GNAL: variants seen among roughly 807,000 people sequenced by gnomAD.
GNAL encodes the protein guanine nucleotide-binding protein G(olf) subunit alpha.
A neutral mutation model predicts 55.1 loss-of-function variants in GNAL; 18 were observed. The ratio of observed to expected loss-of-function variants is 0.33; its 90% CI spans 0.23 to 0.48. GNAL has a LOEUF of 0.48. GNAL is among the 20% of genes least tolerant of loss of function. GNAL has a pLI of 0.99. For synonymous variants in GNAL, 253 were observed against 237.0 expected, an observed-to-expected ratio of 1.07 and a Z score of -0.62; for missense variants, 412 against 614.1, an observed-to-expected ratio of 0.67 and a Z score of 3.48.
intron 4 of GNAL, among the ~76,000 whole-genome samples, chr18:11,796,911 CT>C (rs2034404489): frequency 6.6e-6 from 1 of 152,010 alleles, no homozygotes; most frequent in Admixed American, 6.6e-5. Context: ...ATACATGTAG[CT>C]TTTTACAGCT....
intron 10 of GNAL, among the ~76,000 whole-genome samples, chr18:11,875,615 G>A (rs1200840800): frequency 6.6e-6 from 1 of 152,160 alleles, no homozygotes; most frequent in Non-Finnish European, 1.5e-5. Flanking sequence ...CACGTGAGAT[G>A]TCTCACTCCC....
At chr18:11,836,022 C>G (rs938970688) in intron 5 of GNAL, among the ~76,000 whole-genome samples, 9 of 152,052 alleles carry the variant, frequency 5.9e-5, no homozygotes, top group African/African-American at 2.2e-4. Flanking sequence ...TGCCACACAC[C>G]TGTAGTCCCA....
chr18:11,813,747 A>G (rs1396655379), intron 4 of GNAL, among the ~76,000 whole-genome samples: 1 of 152,190 alleles, frequency 6.6e-6, no homozygotes, highest in East Asian at 1.9e-4. Flanking sequence ...GCGCAGTGGC[A>G]TGTGCCTGTG....
At chr18:11,875,306 G>T (rs565208226) in intron 10 of GNAL, among the ~76,000 whole-genome samples, 1 of 152,244 alleles carries the variant, frequency 6.6e-6, no homozygotes, top group African/African-American at 2.4e-5. Context: ...GCTCAGGCAG[G>T]TCAGTAGGAT....
intron 1 of GNAL, among the ~76,000 whole-genome samples, chr18:11,731,989 T>C (rs1241263557): frequency 1.3e-5 from 2 of 152,208 alleles, no homozygotes. Flanking sequence ...ATAATGTTTT[T>C]ATCTATGTGT....
intron 1 of GNAL, among the ~76,000 whole-genome samples, chr18:11,737,312 TACA>T (rs1285360085): frequency 2.0e-5 from 3 of 152,256 alleles, no homozygotes; most frequent in Admixed American, 1.3e-4. Context: ...CTTGCTTCAT[TACA>T]ATAATGCCTA....
chr18:11,716,160 A>G (rs779926629), intron 1 of GNAL, among the ~76,000 whole-genome samples: 1 of 152,238 alleles, frequency 6.6e-6, no homozygotes, highest in Non-Finnish European at 1.5e-5. Flanking sequence ...GTATATACCC[A>G]AAAGAATATT....
intron 4 of GNAL, among the ~76,000 whole-genome samples, chr18:11,778,075 G>A (rs1247926405): frequency 6.6e-6 from 1 of 152,154 alleles, no homozygotes; most frequent in Non-Finnish European, 1.5e-5. Flanking sequence ...AAGTTACCAT[G>A]TCGCCTCCAG....
chr18:11,850,812 CCA>C (rs1251507818), intron 5 of GNAL, among the ~76,000 whole-genome samples: 3 of 152,116 alleles, frequency 2.0e-5, no homozygotes, highest in African/African-American at 4.8e-5. Context: ...TTTGGTGGTG[CCA>C]CAGTTTTGAA....
At chr18:11,819,391 T>G (rs1424017470) in intron 4 of GNAL, among the ~76,000 whole-genome samples, 1 of 152,216 alleles carries the variant, frequency 6.6e-6, no homozygotes, top group Non-Finnish European at 1.5e-5. Context: ...TTTTTAAACT[T>G]TAGTTTAAAT....
chr18:11,763,517 G>A (rs150903931), intron 4 of GNAL, among the ~76,000 whole-genome samples: 21 of 152,026 alleles, frequency 1.4e-4, no homozygotes, highest in African/African-American at 5.1e-4. Context: ...GGGACTACAG[G>A]CATAGCCCAC....
intron 4 of GNAL, among the ~76,000 whole-genome samples, chr18:11,783,841 G>A (rs748151378): frequency 6.6e-6 from 1 of 152,130 alleles, no homozygotes; most frequent in South Asian, 2.1e-4. Flanking sequence ...TGAGCAAGCC[G>A]CATTTCAAGC....
chr18:11,704,781 A>AT (rs11408182), intron 1 of GNAL, among the ~76,000 whole-genome samples: 75,522 of 140,708 alleles, frequency 0.54, 21,316 homozygotes, highest in Non-Finnish European at 0.62. Flanking sequence ...TCCATTATCA[A>AT]TTTTTTTTTA....
chr18:11,785,158 C>A (rs2034022558), intron 4 of GNAL, among the ~76,000 whole-genome samples: 1 of 152,078 alleles, frequency 6.6e-6, no homozygotes, highest in Non-Finnish European at 1.5e-5. Flanking sequence ...CCAGTCAAGT[C>A]TTTTAGATGG....
In GNAL at chr18:11,884,002, T is replaced by C. The variant is rs2036818203; in HGVS notation, c.*2867T>C. Reference sequence around the variant, plus strand: ...CACTGTGCCCGGCCACATCTGTACTTTTAAGGGTACAGCTTTACAGTACAT... The same window carrying C: ...CACTGTGCCCGGCCACATCTGTACTCTTAAGGGTACAGCTTTACAGTACAT... On this transcript the variant is annotated 3_prime_UTR_variant, in exon 12 of 12. Coordinates refer to ENST00000334049, the MANE Select transcript of GNAL (RefSeq NM_182978.4). 6.4e-6 allele frequency: 1 copy of C among 156,162 alleles called. No individual in the cohort carries two copies. Among genetic ancestry groups the C allele is most frequent in the Non-Finnish European group, 1.4e-5 (1 of 70,500 alleles). 9.7% of individuals were successfully genotyped at this position (156,162 alleles called of 1,614,324 possible).
chr18:11,788,914 A>AATATATATATATATAT (rs766675246), intron 4 of GNAL, among the ~76,000 whole-genome samples: 8 of 56,294 alleles, frequency 1.4e-4, no homozygotes, highest in East Asian at 7.1e-4. Flanking sequence ...AAAAAAAAAA[A>AATATATATATATATAT]ATATATATAT....
chr18:11,790,994 AATTT>A (rs2034220880), intron 4 of GNAL, among the ~76,000 whole-genome samples: 1 of 80,078 alleles, frequency 1.2e-5, no homozygotes, highest in African/African-American at 3.1e-5. Context: ...TCCAATACTT[AATTT>A]AAGAAAAACC....
chr18:11,756,035 G>A (rs2033045246), intron 4 of GNAL, among the ~76,000 whole-genome samples: 1 of 152,092 alleles, frequency 6.6e-6, no homozygotes, highest in Non-Finnish European at 1.5e-5. Context: ...TATATATTTG[G>A]GGGGAAATGC....
chr18:11,781,764 G>A (rs1294964922), intron 4 of GNAL, among the ~76,000 whole-genome samples: 1 of 152,148 alleles, frequency 6.6e-6, no homozygotes, highest in Admixed American at 6.5e-5. Context: ...CCAAGCTACT[G>A]GATCTCTGTT....
Sources: allele counts gnomAD v4.1 joint callset (sites outside exome capture counted in the v4.1 genomes callset), GRCh38; gene constraint gnomAD v4.1.1; transcripts MANE v1.5; gene names NCBI Gene and HGNC (gene_info 2026-07-23, HGNC 2026-07-21).